Variants in LPP observed in about 807,000 individuals in gnomAD.
The protein encoded by LPP is lipoma-preferred partner.
In LPP, 38 loss-of-function variants were observed where a neutral mutation model predicts 60.4. The observed-to-expected ratio is 0.63, with a 90% CI of 0.49 to 0.83. LPP has a LOEUF of 0.83. Ranked by LOEUF, LPP falls within the 40% of genes least tolerant of loss-of-function variation. The probability of loss-of-function intolerance (pLI) is 0.00; values close to 1 mark genes in which losing one functional copy is unlikely to be tolerated. For synonymous variants in LPP, 328 were observed against 290.8 expected, an observed-to-expected ratio of 1.13 and a Z score of -1.30; for missense variants, 902 against 783.6, an observed-to-expected ratio of 1.15 and a Z score of -1.80.
Position 188,817,130 on chromosome 3 carries a change from A to G in LPP, c.1411-49070A>G, listed in dbSNP as rs138622954. 2.8e-3 allele frequency among the ~76,000 whole-genome samples: 421 copies of G among 152,332 alleles called. 1 individual carries two copies. The highest frequency in any genetic ancestry group is 4.2e-3 in the Non-Finnish European group (283 of 68,034). On this transcript the variant is annotated intron_variant, in intron 9 of 11. Coordinates refer to ENST00000617246, the MANE Select transcript of LPP (RefSeq NM_001375462.1). ...TTTGAAATGAACTTATACAGAAGCC[A>G]ACATGGTTATCAGAGCAATTGGGTC...
intron 2 of LPP, among the ~76,000 whole-genome samples, chr3:188,243,843 C>T (rs1445072162): frequency 6.6e-6 from 1 of 151,896 alleles, no homozygotes; most frequent in African/African-American, 2.4e-5. Context: ...AGTTCAGGTC[C>T]ACATCTTTTT....
intron 9 of LPP, among the ~76,000 whole-genome samples, chr3:188,796,511 A>G (rs980527882): frequency 1.3e-5 from 2 of 152,120 alleles, no homozygotes; most frequent in East Asian, 3.9e-4. Context: ...TGAGTAAGTG[A>G]CTGGGGGAAC....
At chr3:188,623,952 C>T (rs758510675) in intron 7 of LPP, among the ~76,000 whole-genome samples, 4 of 152,032 alleles carry the variant, frequency 2.6e-5, no homozygotes, top group Admixed American at 6.6e-5. Flanking sequence ...ACCGGCAAGG[C>T]GAGGGGTGTA....
In LPP at chr3:188,615,871, G is replaced by A. The variant is rs528998308; in HGVS notation, c.1113+6027G>A. On this transcript the variant is annotated intron_variant, in intron 7 of 11. Transcript: ENST00000617246. ...ACTTTTTTTCATATGTTTGTTGACC[G>A]CATAAATGTCTTATTTTGGGAGGTG... Among the ~76,000 whole-genome samples, 152 of 152,144 alleles carry A rather than the reference G, an allele frequency of 1.0e-3. 1 individual carries two copies. Among genetic ancestry groups the A allele is most frequent in the African/African-American group, 3.2e-3 (131 of 41,510 alleles).
chr3:188,777,566 A>C (rs1214753218), intron 9 of LPP, among the ~76,000 whole-genome samples: 2 of 152,156 alleles, frequency 1.3e-5, no homozygotes, highest in Non-Finnish European at 2.9e-5. Flanking sequence ...GGGTAGCAAA[A>C]GATTGAGGAG....
intron 5 of LPP, among the ~76,000 whole-genome samples, chr3:188,510,770 T>C (rs1815224450): frequency 6.6e-6 from 1 of 152,234 alleles, no homozygotes; most frequent in Admixed American, 6.5e-5. Context: ...GTTCCTTCTA[T>C]ATCTTTATGC....
intron 3 of LPP, 68 bp downstream of exon 3, chr3:188,341,787 TTAGAAGAAATACAAAGAA>T: frequency 9.1e-6 from 5 of 551,864 alleles, no homozygotes; most frequent in Non-Finnish European, 1.2e-5. Flanking sequence ...AATGTTGATT[TTAGAAGAAATACAAAGAA>T]TAGAAGAAAT....
chr3:188,417,012 A>T (rs980254150), intron 4 of LPP, among the ~76,000 whole-genome samples: 1 of 152,166 alleles, frequency 6.6e-6, no homozygotes, highest in Non-Finnish European at 1.5e-5. Flanking sequence ...AGAACTTAAA[A>T]AAAATCAGTA....
intron 2 of LPP, among the ~76,000 whole-genome samples, chr3:188,261,534 C>T (rs1398644650): frequency 7.2e-5 from 11 of 152,098 alleles, no homozygotes; most frequent in East Asian, 1.9e-4. Context: ...TATAGATTTT[C>T]GCTCAGACTC....
chr3:188,826,227 GT>G (rs1263287003), intron 9 of LPP, among the ~76,000 whole-genome samples: 2 of 152,170 alleles, frequency 1.3e-5, no homozygotes, highest in Non-Finnish European at 2.9e-5. Context: ...ACTCACTGAA[GT>G]TTTTTACCAT....
chr3:188,549,938 G>A (rs559059900), intron 6 of LPP, among the ~76,000 whole-genome samples: 3 of 152,270 alleles, frequency 2.0e-5, no homozygotes, highest in East Asian at 3.9e-4. Flanking sequence ...TCTAAAGTCA[G>A]TGTCTACTTT....
At chr3:188,565,112 C>T (rs1344925318) in intron 6 of LPP, among the ~76,000 whole-genome samples, 2 of 151,942 alleles carry the variant, frequency 1.3e-5, no homozygotes, top group Non-Finnish European at 2.9e-5. Flanking sequence ...TCCAACACAG[C>T]TCCTGGGTAT....
rs796232028 is a variant in LPP at position 188,813,573 on chromosome 3, T to C, written c.1411-52627T>C. ...TCCACATGTCACTGAATGCCTACTA[T>C]GTCTAGCAAAGTTCTAGATTCTCTT... is the stretch of plus-strand genomic sequence containing the variant. On this transcript the variant is annotated intron_variant, in intron 9 of 11. Coordinates refer to ENST00000617246, the MANE Select transcript of LPP (RefSeq NM_001375462.1). Among the ~76,000 whole-genome samples the C allele has an allele frequency of 2.0e-5, 3 of 152,208 alleles. No individual in the cohort carries two copies. In the South Asian group the frequency reaches 6.2e-4, roughly 31 times the overall value.
intron 3 of LPP, among the ~76,000 whole-genome samples, chr3:188,377,663 A>G (rs1775559488): frequency 6.6e-6 from 1 of 152,002 alleles, no homozygotes; most frequent in African/African-American, 2.4e-5. Context: ...TTCCTCCTGT[A>G]GCTTGGAGTA....
At chr3:188,292,506 A>G (rs1746342695) in intron 2 of LPP, among the ~76,000 whole-genome samples, 1 of 152,182 alleles carries the variant, frequency 6.6e-6, no homozygotes, top group African/African-American at 2.4e-5. Context: ...AGCAAGAGGG[A>G]TGGAATATGC....
intron 9 of LPP, among the ~76,000 whole-genome samples, chr3:188,824,294 G>A (rs1209029320): frequency 1.3e-5 from 2 of 152,190 alleles, no homozygotes; most frequent in African/African-American, 2.4e-5. Flanking sequence ...CATGAGTATT[G>A]ATGATGTAGC....
rs989972037 is a variant in LPP at position 188,206,103 on chromosome 3, T to C, written c.-189-19302T>C. 3.3e-5 allele frequency among the ~76,000 whole-genome samples: 5 copies of C among 152,300 alleles called. No homozygotes were observed. The South Asian group carries it at 1.0e-3, about 32-fold the overall frequency. On this transcript the variant is annotated intron_variant, in intron 1 of 11. Coordinates refer to ENST00000617246, the MANE Select transcript of LPP (RefSeq NM_001375462.1). ...GTGACGGGTCTGAGACCTCTCAGCC[T>C]AGAGCTCCCTTACCCCTGGGCCACT...
chr3:188,285,440 A>T (rs969926393), intron 2 of LPP, among the ~76,000 whole-genome samples: 1 of 151,928 alleles, frequency 6.6e-6, no homozygotes, highest in Non-Finnish European at 1.5e-5. Context: ...ATTTCCTGAG[A>T]CTGGGTCTCA....
At chr3:188,268,883 A>C (rs1359813670) in intron 2 of LPP, among the ~76,000 whole-genome samples, 1 of 151,894 alleles carries the variant, frequency 6.6e-6, no homozygotes, top group Non-Finnish European at 1.5e-5. Context: ...GGCCTATTTC[A>C]TCTTCTCAAC....
Sources: allele counts gnomAD v4.1 joint callset (sites outside exome capture counted in the v4.1 genomes callset), GRCh38; gene constraint gnomAD v4.1.1; transcripts MANE v1.5; gene names NCBI Gene and HGNC (gene_info 2026-07-23, HGNC 2026-07-21).